PTPRN: variants seen among roughly 807,000 people sequenced by gnomAD.
PTPRN encodes protein tyrosine phosphatase receptor type N.
In PTPRN, 70 loss-of-function variants were observed where a neutral mutation model predicts 108.5. That is an observed-to-expected ratio of 0.65 (90% CI 0.53 to 0.79). The LOEUF (loss-of-function observed/expected upper bound fraction) is 0.79. Ranked by LOEUF, PTPRN falls within the 30% of genes least tolerant of loss-of-function variation. The pLI is 0.00. For missense variants in PTPRN, 1,136 were observed against 1,295.5 expected (o/e 0.88, Z 1.89); for synonymous variants, 496 against 524.6 (o/e 0.95, Z 0.75).
chr2:219,308,984 T>C lies in PTPRN; in HGVS notation c.115+234A>G, dbSNP rs1327300333. 3 of 1,511,720 alleles carry C rather than the reference T, an allele frequency of 2.0e-6. No homozygotes were observed. The Admixed American group carries it at 6.1e-5, about 31-fold the overall frequency. The allele number at this position is 1,511,720 out of a possible 1,614,324, so 93.6% of individuals were successfully genotyped here. A position where few individuals can be genotyped will look rare whatever the true frequency, so the allele number is the denominator to read the frequency against. On this transcript the variant is annotated intron_variant, in intron 1 of 22. Coordinates refer to ENST00000295718, the MANE Select transcript of PTPRN (RefSeq NM_002846.4). Reference sequence around the variant, plus strand: ...CCGTGTCCTTCTCCCGAACCTGCAATTTTCCCCAGAGCCCAATTCTCTTAG... The same window carrying C: ...CCGTGTCCTTCTCCCGAACCTGCAACTTTCCCCAGAGCCCAATTCTCTTAG...
At chr2:219,295,431 A>G (rs1449591257) in intron 18 of PTPRN, 2 of 333,836 alleles carry the variant, frequency 6.0e-6, no homozygotes, top group African/African-American at 2.2e-5. Context: ...TACACGTGCC[A>G]TAAACTTGGA....
In PTPRN at chr2:219,294,921, C is replaced by G. The variant is rs370761095; in HGVS notation, c.2675+54G>C. 270 of 1,392,802 alleles carry G rather than the reference C, an allele frequency of 1.9e-4. 4 individuals carry two copies. The East Asian group carries it at 4.1e-3, about 21-fold the overall frequency. 86.3% of individuals were successfully genotyped at this position (1,392,802 alleles called of 1,614,324 possible). ...GCTCCAGGCCGAGCGGCGGGCGGACCCCGGCTCCGCCCCCGCCCATGCGGT... is the reference window on the plus strand; with the variant it reads ...GCTCCAGGCCGAGCGGCGGGCGGACGCCGGCTCCGCCCCCGCCCATGCGGT... On this transcript the variant is annotated intron_variant, in intron 19 of 22. Transcript: ENST00000295718.
intron 1 of PTPRN, among the ~76,000 whole-genome samples, chr2:219,308,535 C>T (rs980428951): frequency 6.6e-6 from 1 of 152,110 alleles, no homozygotes; most frequent in Admixed American, 6.5e-5. Flanking sequence ...GAGGCTGCGC[C>T]CCTTCCCCCA....
chr2:219,299,002 A>G, intron 12 of PTPRN, 45 bp downstream of exon 12: 2 of 1,609,974 alleles, frequency 1.2e-6, no homozygotes, highest in South Asian at 2.2e-5. Context: ...TGCGGACAAC[A>G]TCAGCCCTCT....
In PTPRN at chr2:219,296,257, TC is replaced by T; in HGVS notation, c.2476del (p.Asp826MetfsTer12). ...TACGTGGTAGAGGGAGGCACCCTCA[TC>T]TGGCCAGTAGCGGTCACACTGCTTG... Reference protein sequence around the residue: ...GVKQCDRYWPDEGASLYHVYE... With the variant: ...GVKQCDRYWPXEGASLYHVYE... On this transcript the variant is annotated frameshift_variant, in exon 18 of 23. Transcript: ENST00000295718. LOFTEE classifies it high-confidence loss of function. The surrounding 1 kb of genome is among the most constrained non-coding windows in gnomAD (Gnocchi z 6.0). 6.2e-7 allele frequency: 1 copy of T among 1,614,120 alleles called. No individual in the cohort carries two copies. Among genetic ancestry groups the T allele is most frequent in the Non-Finnish European group, 8.5e-7 (1 of 1,180,018 alleles).
At position 219,296,388 on chromosome 2, in the gene PTPRN, G is replaced by A; in HGVS notation, c.2389-43C>T. 6.2e-7 allele frequency: 1 copy of A among 1,614,030 alleles called. No individual in the cohort carries two copies. Among genetic ancestry groups the A allele is most frequent in the Admixed American group, 1.7e-5 (1 of 60,014 alleles). On this transcript the variant is annotated intron_variant, in intron 17 of 22. Coordinates refer to ENST00000295718, the MANE Select transcript of PTPRN (RefSeq NM_002846.4). This position sits in a 1 kb window ranked among gnomAD's most constrained non-coding sequence, Gnocchi z 6.0. ...GTTGAGCTCCACTCTAACCTCCCTGGGACCTCGTGGCCACAAGGACCCCAG... is the reference window on the plus strand; with the variant it reads ...GTTGAGCTCCACTCTAACCTCCCTGAGACCTCGTGGCCACAAGGACCCCAG...
In PTPRN at chr2:219,299,351, CCGGATG is replaced by C; in HGVS notation, c.1551_1556del (p.Ile518_Arg519del). ...CCAAAGACAGGTTCTGCTCATTGTG[CCGGATG>C]CGGAAGGTGAGGGCTGGTCCCACCA... On this transcript the variant is annotated inframe_deletion, in exon 11 of 23. Coordinates refer to ENST00000295718, the MANE Select transcript of PTPRN (RefSeq NM_002846.4). 1.9e-6 allele frequency: 3 copies of C among 1,614,180 alleles called. No individual in the cohort carries two copies. The highest frequency in any genetic ancestry group is 2.5e-6 in the Non-Finnish European group (3 of 1,180,030).
chr2:219,291,142 C>T (rs1258966024), intron 20 of PTPRN, among the ~76,000 whole-genome samples: 1 of 152,104 alleles, frequency 6.6e-6, no homozygotes, highest in African/African-American at 2.4e-5. Flanking sequence ...AAGAGGAGAG[C>T]CATGGCTCAG....
At chr2:219,309,101 C>T (rs1446542084) in intron 1 of PTPRN, 117 bp downstream of exon 1, 2 of 1,504,152 alleles carry the variant, frequency 1.3e-6, no homozygotes, top group African/African-American at 1.5e-5. Context: ...ATGCCTCCCC[C>T]AACCCATATT....
intron 12 of PTPRN, among the ~76,000 whole-genome samples, chr2:219,298,421 A>G (rs1574920315): frequency 6.6e-6 from 1 of 152,316 alleles, no homozygotes; most frequent in East Asian, 1.9e-4. Context: ...TTTTGAGTAT[A>G]GGCCGGGCGT....
intron 1 of PTPRN, 193 bp from the exon 2 acceptor site, chr2:219,308,035 A>C (rs777835478): frequency 1.6e-6 from 1 of 606,316 alleles, no homozygotes; most frequent in African/African-American, 1.9e-5. Context: ...TTGGATTTTA[A>C]GAATTTGTGA....
Position 219,300,176 on chromosome 2 carries a change from G to T in PTPRN, c.1245C>A (p.Ser415Arg). The change falls in exon 9 of 23, where the codon AGC becomes AGA. Residue 415 changes from serine to arginine, a missense_variant. Ser to Arg is a moderately radical substitution (Grantham distance 110). Transcript: ENST00000295718. ...TSPMPGHPTA[S>R]PTSSEVQQVP... is the part of the protein sequence containing the mutation. ...CCTGCTGGACTTCACTGGAGGTAGG[G>T]CTGGCAGTGGGGTGTCCAGGCATGG... is the stretch of plus-strand genomic sequence containing the variant. 1 of 1,613,200 alleles carries T rather than the reference G, an allele frequency of 6.2e-7. No homozygotes were observed. Among genetic ancestry groups the T allele is most frequent in the East Asian group, 2.2e-5 (1 of 44,846 alleles).
intron 19 of PTPRN, 42 bp downstream of exon 19, chr2:219,294,933 C>A (rs1952147544): frequency 6.9e-6 from 10 of 1,444,222 alleles, no homozygotes; most frequent in Non-Finnish European, 9.1e-6. Flanking sequence ...CGGCTCCGCC[C>A]CCGCCCATGC....
intron 3 of PTPRN, chr2:219,304,062 C>A (rs1952423715): frequency 2.6e-6 from 1 of 377,876 alleles, no homozygotes; most frequent in South Asian, 3.9e-5. Context: ...AATTATGTAA[C>A]CTTGGGCAAG....
Position 219,301,715 on chromosome 2 carries a change from C to G in PTPRN, c.999G>C (p.Ala333=), listed in dbSNP as rs13432523. The change falls in exon 7 of 23, where the codon GCG becomes GCC. Residue 333 remains alanine (A), a synonymous_variant. Transcript: ENST00000295718. Reference sequence around the variant, plus strand: ...GCACAGCGGCCAGCCTCTGCAGAGCCGCATCTGCTGGGAGCCAGACACAGA... The same window carrying G: ...GCACAGCGGCCAGCCTCTGCAGAGCGGCATCTGCTGGGAGCCAGACACAGA... ...KPASPAVQPD[A]ALQRLAAVLA... The G allele has an allele frequency of 6.2e-7, 1 of 1,608,116 alleles. No homozygotes were observed. The highest frequency in any genetic ancestry group is 1.3e-5 in the African/African-American group (1 of 74,946).
intron 3 of PTPRN, among the ~76,000 whole-genome samples, chr2:219,304,302 A>T (rs1952430028): frequency 6.6e-6 from 1 of 152,204 alleles, no homozygotes; most frequent in Non-Finnish European, 1.5e-5. Context: ...AGTGGAAACG[A>T]TACATATTTC....
rs764658267 is a variant in PTPRN at position 219,299,988 on chromosome 2, T to C, written c.1433A>G (p.Gln478Arg). The change falls in exon 9 of 23, where the codon CAG (glutamine) becomes CGG (arginine). Residue 478 changes from glutamine to arginine, a missense_variant. Transcript: ENST00000295718. The stretch of plus-strand genomic sequence containing the variant: ...CTTCCCAGGATGCAGCCCTTACTTC[T>C]GATCAGTGACGATGTAGCCATATTC... ...AEEYGYIVTD[Q>R]KPLSLAAGVK... The C allele has an allele frequency of 2.6e-5, 42 of 1,614,238 alleles. 1 individual carries two copies. The South Asian group carries it at 4.5e-4, about 17-fold the overall frequency.
In PTPRN at chr2:219,293,329, C is replaced by T. The variant is rs1251900688; in HGVS notation, c.2675+1646G>A. Among the ~76,000 whole-genome samples the T allele has an allele frequency of 9.9e-5, 15 of 152,138 alleles. 1 individual carries two copies. Among genetic ancestry groups the T allele is most frequent in the Admixed American group, 6.5e-4 (10 of 15,294 alleles). On this transcript the variant is annotated intron_variant, in intron 19 of 22. Transcript: ENST00000295718. ...CCGAGTAGCTGGGAGTACAGGCGCTCGCCACCCTGCCTGGCTAATTTTTGT... is the reference window on the plus strand; with the variant it reads ...CCGAGTAGCTGGGAGTACAGGCGCTTGCCACCCTGCCTGGCTAATTTTTGT...
At chr2:219,309,176 T>TCCCCCCCCCC in intron 1 of PTPRN, 42 bp downstream of exon 1, 38 of 1,364,210 alleles carry the variant, frequency 2.8e-5, no homozygotes, top group Non-Finnish European at 3.4e-5. Context: ...CCCAAGCTGC[T>TCCCCCCCCCC]CCCCGCCCCC....
Sources: gnomAD v4.1 joint callset for allele counts (sites outside exome capture counted in the v4.1 genomes callset) on GRCh38, gnomAD v4.1.1 for gene constraint, Gnocchi (gnomAD v3.1) non-coding constraint, MANE v1.5 for transcripts, NCBI Gene and HGNC (gene_info 2026-07-23, HGNC 2026-07-21) for gene names.